Variants in TTC39A observed in about 807,000 individuals in gnomAD.
TTC39A encodes tetratricopeptide repeat protein 39A.
In TTC39A, 46 loss-of-function variants were observed where a neutral mutation model predicts 82.3. The observed-to-expected ratio is 0.56, with a 90% CI of 0.44 to 0.71. TTC39A has a LOEUF of 0.71. Among genes scored for constraint, TTC39A ranks in the 30% least tolerant of loss-of-function variants. TTC39A has a pLI of 0.00. For missense variants in TTC39A, 543 were observed against 712.9 expected (o/e 0.76, Z 2.71); for synonymous variants, 254 against 275.2 (o/e 0.92, Z 0.76).
Position 51,302,430 on chromosome 1 carries a change from C to T in TTC39A, c.832-14G>A, listed in dbSNP as rs1306661051. ...GAAGATGGCACCCTGCAATGACACA[C>T]ATGTAAGTCCGTGTGGGTCCGTGGG... On this transcript the variant is annotated splice_polypyrimidine_tract_variant and intron_variant, in intron 10 of 17. Coordinates refer to ENST00000680483, the MANE Select transcript of TTC39A (RefSeq NM_001297663.2). 1 of 1,608,610 alleles carries T rather than the reference C, an allele frequency of 6.2e-7. No individual in the cohort carries two copies. The highest frequency in any genetic ancestry group is 1.1e-5 in the South Asian group (1 of 89,918).
intron 4 of TTC39A, 83 bp downstream of exon 4, chr1:51,312,036 C>T (rs1024698169): frequency 7.0e-7 from 1 of 1,432,776 alleles, no homozygotes; most frequent in Non-Finnish European, 9.5e-7. Context: ...TAGGCGATGA[C>T]AGGGAAGAAA....
chr1:51,306,753 A>G (rs1013067216), intron 6 of TTC39A, among the ~76,000 whole-genome samples: 2 of 152,098 alleles, frequency 1.3e-5, no homozygotes, highest in Non-Finnish European at 2.9e-5. Flanking sequence ...AAGGCTTTCA[A>G]TTAGCAAGCT....
intron 5 of TTC39A, 96 bp from the exon 6 acceptor site, chr1:51,309,421 G>A (rs1410286409): frequency 2.5e-6 from 4 of 1,595,104 alleles, no homozygotes; most frequent in East Asian, 4.5e-5. Flanking sequence ...GCCCCTCCGT[G>A]TGAGGAACCC....
chr1:51,295,052 C>T (rs1284351290), intron 13 of TTC39A, among the ~76,000 whole-genome samples: 1 of 150,972 alleles, frequency 6.6e-6, no homozygotes, highest in African/African-American at 2.4e-5. Flanking sequence ...CCATCCCACC[C>T]TCCTCCTATT....
At chr1:51,308,791 A>ATG (rs145881383) in intron 6 of TTC39A, among the ~76,000 whole-genome samples, 26 of 151,434 alleles carry the variant, frequency 1.7e-4, no homozygotes, top group African/African-American at 5.6e-4. Context: ...GTGTGTGTGT[A>ATG]TGTGTGTGTG....
chr1:51,293,672 A>C (rs954847597), intron 14 of TTC39A, among the ~76,000 whole-genome samples: 3 of 152,224 alleles, frequency 2.0e-5, no homozygotes, highest in Admixed American at 6.5e-5. Context: ...TTGAATAACA[A>C]GGACTCTTAG....
At chr1:51,291,677 A>C (rs1644228036) in intron 14 of TTC39A, among the ~76,000 whole-genome samples, 1 of 149,410 alleles carries the variant, frequency 6.7e-6, no homozygotes. Context: ...ATGGTGGTGC[A>C]AGCCTGGGGT....
At chr1:51,303,044 C>T (rs74356055) in intron 9 of TTC39A, 40 bp downstream of exon 9, 68,133 of 1,534,314 alleles carry the variant, frequency 0.044, 1,818 homozygotes, top group Non-Finnish European at 0.051. Flanking sequence ...CCCTTGGAGA[C>T]GACCAAACCC....
chr1:51,338,155 C>CCTG (rs1313998228), intron 1 of TTC39A, among the ~76,000 whole-genome samples: 3 of 151,990 alleles, frequency 2.0e-5, no homozygotes, highest in Non-Finnish European at 4.4e-5. Flanking sequence ...AAAAGAAAAC[C>CCTG]CTGACATCTA....
At chr1:51,333,050 T>C (rs1015440757), upstream of TTC39A, among the ~76,000 whole-genome samples, 7 of 151,820 alleles carry the variant, frequency 4.6e-5, no homozygotes, top group Non-Finnish European at 1.0e-4. Flanking sequence ...CCATCTCTAC[T>C]AAAAATACAA....
rs117787995 is a variant in TTC39A, at chr1:51,343,308, G to A, written c.53+1683C>T. 1.5e-3 allele frequency among the ~76,000 whole-genome samples: 228 copies of A among 152,292 alleles called. 4 individuals carry two copies. In the East Asian group the frequency reaches 0.041, roughly 27 times the overall value. ...TGTCCACAAAAATCCTTTCTCCGTAGGACAGCGTGGTCAGCTTTAAATAAG... is the reference window on the plus strand; with the variant it reads ...TGTCCACAAAAATCCTTTCTCCGTAAGACAGCGTGGTCAGCTTTAAATAAG... On this transcript the variant is annotated intron_variant, in intron 1 of 5. Coordinates refer to the TTC39A transcript ENST00000401051.
chr1:51,341,179 C>G (rs1253503571), intron 1 of TTC39A, among the ~76,000 whole-genome samples: 1 of 136,208 alleles, frequency 7.3e-6, no homozygotes, highest in Non-Finnish European at 1.6e-5. Context: ...AATAAACCGC[C>G]CCCCCACCCC....
At chr1:51,311,413 A>G in intron 4 of TTC39A, 92 bp from the exon 5 acceptor site, 1 of 1,202,264 alleles carries the variant, frequency 8.3e-7, no homozygotes. Flanking sequence ...CCCAAAAGCA[A>G]AGGGAACCTA....
intron 1 of TTC39A, among the ~76,000 whole-genome samples, chr1:51,339,009 G>A (rs1211798055): frequency 6.6e-6 from 1 of 152,274 alleles, no homozygotes; most frequent in East Asian, 1.9e-4. Flanking sequence ...CATTTACTTG[G>A]CAGTTTCTTT....
chr1:51,314,919 G>C (rs550526025), intron 2 of TTC39A, among the ~76,000 whole-genome samples: 3 of 152,172 alleles, frequency 2.0e-5, no homozygotes, highest in African/African-American at 2.4e-5. Context: ...ACCAAAGCTC[G>C]GTAAATATGA....
chr1:51,327,821 C>T (rs547721367), intron 1 of TTC39A, among the ~76,000 whole-genome samples: 53 of 151,748 alleles, frequency 3.5e-4, no homozygotes, highest in African/African-American at 1.1e-3. Context: ...CTCAGCCTCC[C>T]GAGTAGCTGG....
At chr1:51,296,599 A>G (rs914621546) in intron 12 of TTC39A, among the ~76,000 whole-genome samples, 1 of 152,226 alleles carries the variant, frequency 6.6e-6, no homozygotes, top group African/African-American at 2.4e-5. Context: ...ATGTGTGTGG[A>G]CTACCAATAG....
intron 14 of TTC39A, among the ~76,000 whole-genome samples, chr1:51,292,160 T>G (rs1263719635): frequency 1.3e-5 from 2 of 152,190 alleles, no homozygotes; most frequent in African/African-American, 4.8e-5. Flanking sequence ...CCAGCCTGCA[T>G]GACAGAGTGA....
intron 3 of TTC39A, among the ~76,000 whole-genome samples, chr1:51,312,409 G>A (rs560789156): frequency 1.3e-5 from 2 of 152,334 alleles, no homozygotes; most frequent in East Asian, 3.9e-4. Flanking sequence ...AATGGGGACA[G>A]TTACCACCTG....
Sources: allele counts gnomAD v4.1 joint callset (sites outside exome capture counted in the v4.1 genomes callset), GRCh38; gene constraint gnomAD v4.1.1; transcripts MANE v1.5; gene names NCBI Gene and HGNC (gene_info 2026-07-23, HGNC 2026-07-21).